KRTAP17-1: variants seen among roughly 807,000 people sequenced by gnomAD.
KRTAP17-1 encodes the protein keratin associated protein 17-1, also known as keratin-associated protein 17-1.
Under a neutral mutation model 10.4 loss-of-function variants are expected in KRTAP17-1, and 2 were observed. That is an observed-to-expected ratio of 0.19 (90% CI 0.08 to 0.61). The LOEUF is 0.61. KRTAP17-1 is among the 20% of genes least tolerant of loss of function. KRTAP17-1 has a pLI of 0.89. For synonymous variants in KRTAP17-1, 62 were observed against 52.7 expected (o/e 1.18, Z -0.77); for missense variants, 143 against 136.8 (o/e 1.05, Z -0.23).
chr17:41,315,342 G>A lies in KRTAP17-1; in HGVS notation c.309C>T (p.Asp103=), dbSNP rs926453287. ...GTGGAGGGAAAGGTCTTCATTTTGT[G>A]TCGCATATAGGTGTGGGCTGGCAGC... ...PVCCQPTPIC[D]TK The change falls in exon 1 of 1, where the codon GAC becomes GAT. Residue 103 remains aspartate, a synonymous_variant. Transcript: ENST00000334202. 8.1e-6 allele frequency: 13 copies of A among 1,604,912 alleles called. No individual in the cohort carries two copies. Among genetic ancestry groups the A allele is most frequent in the Non-Finnish European group, 1.1e-5 (13 of 1,177,500 alleles).
Position 41,315,642 on chromosome 17 carries a change from G to A in KRTAP17-1, c.9C>T (p.Cys3=), listed in dbSNP as rs369106896. The change falls in exon 1 of 1, where the codon TGC becomes TGT. Residue 3 remains cysteine (C), a synonymous_variant. Transcript: ENST00000334202. ...AGCAGGTGAAGCAGTCCCCCGGGCA[G>A]CACCCCATGGTCCGGGCCCGTCAGC... The part of the protein sequence containing the change: MG[C]CPGDCFTCCT... 2.5e-6 allele frequency: 4 copies of A among 1,602,864 alleles called. No homozygotes were observed. The highest frequency in any genetic ancestry group is 2.2e-5 in the East Asian group (1 of 44,720).
chr17:41,315,207 TCTACAAATCACAGAAAGACAAGACAC>T lies in KRTAP17-1; in HGVS notation c.*100_*125del. 1 of 928,138 alleles carries T rather than the reference TCTACAAATCACAGAAAGACAAGACAC, an allele frequency of 1.1e-6. No homozygotes were observed. Among genetic ancestry groups the T allele is most frequent in the Non-Finnish European group, 1.6e-6 (1 of 620,906 alleles). The allele number at this position is 928,138 out of a possible 1,614,324, so 57.5% of individuals were successfully genotyped here. A position where few individuals can be genotyped will look rare whatever the true frequency, so the allele number is the denominator to read the frequency against. On this transcript the variant is annotated 3_prime_UTR_variant, in exon 1 of 1. Transcript: ENST00000334202. ...GAAGGTGTTGGAGAACAAGCCCTCCTCTACAAATCACAGAAAGACAAGACACTGTCTTGGGGGTATGGAAGGTTCTG... is the reference window on the plus strand; with the variant it reads ...GAAGGTGTTGGAGAACAAGCCCTCCTTGTCTTGGGGGTATGGAAGGTTCTG...
rs755911452 is a variant in KRTAP17-1 at position 41,315,509 on chromosome 17, AGCCAGAGCCCCCG to A, written c.129_141del (p.Gly44AlafsTer66). 2.8e-6 allele frequency: 3 copies of A among 1,076,182 alleles called. No homozygotes were observed. In the African/African-American group the frequency reaches 7.4e-5, roughly 27 times the overall value. The allele number at this position is 1,076,182 out of a possible 1,614,324, so 66.7% of individuals were successfully genotyped here. On this transcript the variant is annotated frameshift_variant, in exon 1 of 1. Coordinates refer to ENST00000334202, the MANE Select transcript of KRTAP17-1 (RefSeq NM_031964.2). LOFTEE classifies it high-confidence loss of function. ...GACGATCCGCAGCAGCTGCCCCCGC[AGCCAGAGCCCCCG>A]CAGCCAGAGCCCCCACAGCCACAGC...
Position 41,314,924 on chromosome 17 carries a change from A to C in KRTAP17-1, c.*409T>G. On this transcript the variant is annotated 3_prime_UTR_variant, in exon 1 of 1. Transcript: ENST00000334202. ...GCAAGAGAACTAATTAGGTTATGCC[A>C]GCATGCTCAAATTTATTAAGAGGCT... 3.0e-5 allele frequency: 5 copies of C among 166,744 alleles called. No individual in the cohort carries two copies. The highest frequency in any genetic ancestry group is 3.9e-5 in the Non-Finnish European group (3 of 77,358). The allele number at this position is 166,744 out of a possible 1,614,324, so 10.3% of individuals were successfully genotyped here.
chr17:41,315,453 T>C lies in KRTAP17-1; in HGVS notation c.198A>G (p.Gly66=). Residue 66 remains glycine, a synonymous_variant, in exon 1 of 1, where the codon GGA becomes GGG. Coordinates refer to ENST00000334202, the MANE Select transcript of KRTAP17-1 (RefSeq NM_031964.2). ...SCCGSGCGGC[G]GCGGCGGGCC... ...AGCCACCCCCGCAGCCTCCGCAGCCTCCACAGCCTCCGCAGCCAGATCCAC... is the reference window on the plus strand; with the variant it reads ...AGCCACCCCCGCAGCCTCCGCAGCCCCCACAGCCTCCGCAGCCAGATCCAC... 6.2e-7 allele frequency: 1 copy of C among 1,602,068 alleles called. No individual in the cohort carries two copies.
In KRTAP17-1 at chr17:41,315,637, G is replaced by A. The variant is rs762887382; in HGVS notation, c.14C>T (p.Pro5Leu). The part of the protein sequence containing the change: MGCC[P>L]GDCFTCCTQE... ...GGTGCAGCAGGTGAAGCAGTCCCCCGGGCAGCACCCCATGGTCCGGGCCCG... is the reference window on the plus strand; with the variant it reads ...GGTGCAGCAGGTGAAGCAGTCCCCCAGGCAGCACCCCATGGTCCGGGCCCG... The change falls in exon 1 of 1, where the codon CCG becomes CTG. Residue 5 changes from proline to leucine, a missense_variant. Physicochemically the swap from Pro to Leu is moderately conservative, Grantham distance 98. Transcript: ENST00000334202. 1.3e-5 allele frequency: 21 copies of A among 1,605,264 alleles called. No homozygotes were observed. Among genetic ancestry groups the A allele is most frequent in the Admixed American group, 1.7e-5 (1 of 59,754 alleles).
chr17:41,315,281 G>C lies in KRTAP17-1; in HGVS notation c.*52C>G, dbSNP rs1174323358. 2.0e-6 allele frequency: 3 copies of C among 1,527,954 alleles called. No individual in the cohort carries two copies. In the East Asian group the frequency reaches 6.8e-5, roughly 34 times the overall value. The allele number at this position is 1,527,954 out of a possible 1,614,324, so 94.6% of individuals were successfully genotyped here. A position where few individuals can be genotyped will look rare whatever the true frequency, so the allele number is the denominator to read the frequency against. On this transcript the variant is annotated 3_prime_UTR_variant, in exon 1 of 1. Transcript: ENST00000334202. ...CTGGACACGAGGGGCTGTCCCCCTGGAGCAGATGGAGGCTTTCGGTGGGAC... is the reference window on the plus strand; with the variant it reads ...CTGGACACGAGGGGCTGTCCCCCTGCAGCAGATGGAGGCTTTCGGTGGGAC...
Position 41,315,368 on chromosome 17 carries a change from A to C in KRTAP17-1, c.283T>G (p.Cys95Gly), listed in dbSNP as rs1053957083. 4 of 1,611,274 alleles carry C rather than the reference A, an allele frequency of 2.5e-6. No homozygotes were observed. The highest frequency in any genetic ancestry group is 3.4e-6 in the Non-Finnish European group (4 of 1,179,920). Residue 95 changes from cysteine to glycine, a missense_variant, in exon 1 of 1, where the codon TGC becomes GGC. By Grantham distance (159) the Cys-to-Gly change is radical (BLOSUM62 -3). Coordinates refer to ENST00000334202, the MANE Select transcript of KRTAP17-1 (RefSeq NM_031964.2). ...CCGSGCCGPV[C>G]CQPTPICDTK Reference sequence around the variant, plus strand: ...TCGCATATAGGTGTGGGCTGGCAGCACACAGGCCCACAGCACCCGGAGCCG... The same window carrying C: ...TCGCATATAGGTGTGGGCTGGCAGCCCACAGGCCCACAGCACCCGGAGCCG...
In KRTAP17-1 at chr17:41,315,708, G is replaced by A. The variant is rs117338110; in HGVS notation, c.-58C>T. The A allele has an allele frequency of 0.048, 70,992 of 1,482,906 alleles. 1,997 individuals are homozygous for A. Among genetic ancestry groups the A allele is most frequent in the Non-Finnish European group, 0.057 (62,608 of 1,095,196 alleles). 91.9% of individuals were successfully genotyped at this position (1,482,906 alleles called of 1,614,324 possible). A position where few individuals can be genotyped will look rare whatever the true frequency, so the allele number is the denominator to read the frequency against. On this transcript the variant is annotated 5_prime_UTR_variant, in exon 1 of 1. Coordinates refer to ENST00000334202, the MANE Select transcript of KRTAP17-1 (RefSeq NM_031964.2). ...GCAGCCGGAGTTCCCCACGACTGAC[G>A]GTGGCCAGCCATCTGGATGGCAGCT...
In KRTAP17-1 at chr17:41,315,044, T is replaced by C. The variant is rs949223366; in HGVS notation, c.*289A>G. The C allele has an allele frequency of 4.7e-5, 18 of 383,280 alleles. No individual in the cohort carries two copies. Among genetic ancestry groups the C allele is most frequent in the African/African-American group, 2.8e-4 (14 of 49,332 alleles). 23.7% of individuals were successfully genotyped at this position (383,280 alleles called of 1,614,324 possible). A position where few individuals can be genotyped will look rare whatever the true frequency, so the allele number is the denominator to read the frequency against. ...ACACCTTGAAGAAGAGGATGTCTTA[T>C]AGTACAAGACATTGAACTTCATGTG... On this transcript the variant is annotated 3_prime_UTR_variant, in exon 1 of 1. Transcript: ENST00000334202.
rs62640394 is a variant in KRTAP17-1, at chr17:41,315,529, G to A, written c.122C>T (p.Ser41Phe). 42 of 1,418,894 alleles carry A rather than the reference G, an allele frequency of 3.0e-5. No individual in the cohort carries two copies. Among genetic ancestry groups the A allele is most frequent in the Non-Finnish European group, 4.0e-5 (41 of 1,027,976 alleles). 87.9% of individuals were successfully genotyped at this position (1,418,894 alleles called of 1,614,324 possible). A position where few individuals can be genotyped will look rare whatever the true frequency, so the allele number is the denominator to read the frequency against. ...CCCGCAGCCAGAGCCCCCGCAGCCA[G>A]AGCCCCCACAGCCACAGCAGGAGCC... ...CCGSCCGCGG[S>F]GCGGSGCGGS... The change falls in exon 1 of 1, where the codon TCT becomes TTT. Residue 41 changes from serine to phenylalanine, a missense_variant. Physicochemically the swap from Ser to Phe is radical, Grantham distance 155 (BLOSUM62 -2). Transcript: ENST00000334202.
In KRTAP17-1 at chr17:41,315,500, T is replaced by A. The variant is rs1555546144; in HGVS notation, c.151A>T (p.Ser51Cys). The A allele has an allele frequency of 6.2e-7, 1 of 1,602,098 alleles. No homozygotes were observed. The highest frequency in any genetic ancestry group is 1.1e-5 in the South Asian group (1 of 90,148). Residue 51 changes from serine to cysteine, a missense_variant, in exon 1 of 1, where the codon AGC (serine) becomes TGC (cysteine). Physicochemically the swap from Ser to Cys is moderately radical, Grantham distance 112. Transcript: ENST00000334202. ...SGCGGSGCGG[S>C]CCGSSCCGSG... is the part of the protein sequence containing the mutation. ...CCACAGCAAGACGATCCGCAGCAGC[T>A]GCCCCCGCAGCCAGAGCCCCCGCAG... is the stretch of plus-strand genomic sequence containing the variant.
rs1567655808 is a variant in KRTAP17-1, at chr17:41,315,393, G to C, written c.258C>G (p.Cys86Trp). The part of the protein sequence containing the change: ...CGSSCCGSSC[C>W]GSGCCGPVCC... The stretch of plus-strand genomic sequence containing the variant: ...ACACAGGCCCACAGCACCCGGAGCC[G>C]CAGCAACTGGACCCACAGCAACTGG... The change falls in exon 1 of 1, where the codon TGC becomes TGG. Residue 86 changes from cysteine to tryptophan, a missense_variant. Transcript: ENST00000334202. The C allele has an allele frequency of 6.2e-7, 1 of 1,612,424 alleles. No individual in the cohort carries two copies. Among genetic ancestry groups the C allele is most frequent in the Non-Finnish European group, 8.5e-7 (1 of 1,179,890 alleles).
In KRTAP17-1 at chr17:41,315,177, C is replaced by A; in HGVS notation, c.*156G>T. On this transcript the variant is annotated 3_prime_UTR_variant, in exon 1 of 1. Coordinates refer to ENST00000334202, the MANE Select transcript of KRTAP17-1 (RefSeq NM_031964.2). ...CTCTTGTTCTCGGTGCCTTGAAATACCAGAGAAGGTGTTGGAGAACAAGCC... is the reference window on the plus strand; with the variant it reads ...CTCTTGTTCTCGGTGCCTTGAAATAACAGAGAAGGTGTTGGAGAACAAGCC... 7.2e-6 allele frequency: 5 copies of A among 699,056 alleles called. No individual in the cohort carries two copies. The South Asian group carries it at 9.7e-5, about 14-fold the overall frequency. 43.3% of individuals were successfully genotyped at this position (699,056 alleles called of 1,614,324 possible).
chr17:41,315,414 A>ACTGGATCCACAGCAG lies in KRTAP17-1; in HGVS notation c.222_236dup (p.Ser84_Ser88dup). 6.2e-7 allele frequency: 1 copy of ACTGGATCCACAGCAG among 1,612,292 alleles called. No homozygotes were observed. The highest frequency in any genetic ancestry group is 8.5e-7 in the Non-Finnish European group (1 of 1,179,552). ...AGCCGCAGCAACTGGACCCACAGCAACTGGATCCACAGCAGCCACCCCCGC... is the reference window on the plus strand; with the variant it reads ...AGCCGCAGCAACTGGACCCACAGCAACTGGATCCACAGCAGCTGGATCCACAGCAGCCACCCCCGC... On this transcript the variant is annotated inframe_insertion, in exon 1 of 1. Transcript: ENST00000334202.
Position 41,315,656 on chromosome 17 carries a change from G to C in KRTAP17-1, c.-6C>G, listed in dbSNP as rs757074721. ...TCCCCCGGGCAGCACCCCATGGTCC[G>C]GGCCCGTCAGCTCGCAGGTCGGTAA... On this transcript the variant is annotated 5_prime_UTR_variant, in exon 1 of 1. Coordinates refer to ENST00000334202, the MANE Select transcript of KRTAP17-1 (RefSeq NM_031964.2). 2 of 1,585,982 alleles carry C rather than the reference G, an allele frequency of 1.3e-6. No individual in the cohort carries two copies. Among genetic ancestry groups the C allele is most frequent in the Admixed American group, 1.7e-5 (1 of 58,506 alleles).
Position 41,315,123 on chromosome 17 carries a change from C to A in KRTAP17-1, c.*210G>T, listed in dbSNP as rs892132116. On this transcript the variant is annotated 3_prime_UTR_variant, in exon 1 of 1. Transcript: ENST00000334202. ...TGAGCTTGGGATCACTTAGTTGTGA[C>A]CGAGTTTTAATGTTTCATCAGAGTA... 1.2e-5 allele frequency: 7 copies of A among 583,064 alleles called. No individual in the cohort carries two copies. In the African/African-American group the frequency reaches 1.3e-4, roughly 11 times the overall value. 36.1% of individuals were successfully genotyped at this position (583,064 alleles called of 1,614,324 possible). A position where few individuals can be genotyped will look rare whatever the true frequency, so the allele number is the denominator to read the frequency against.
At position 41,315,607 on chromosome 17, in the gene KRTAP17-1, T is replaced by C. The variant is rs779272534; in HGVS notation, c.44A>G (p.Glu15Gly). ...PGDCFTCCTQ[E>G]QNCCEECCCQ... ...GCAGCACTCTTCACAGCAGTTTTGC[T>C]CCTGGGTGCAGCAGGTGAAGCAGTC... Residue 15 changes from glutamate (E) to glycine (G), a missense_variant, in exon 1 of 1, where the codon GAG becomes GGG. By Grantham distance (98) the Glu-to-Gly change is moderately conservative. Transcript: ENST00000334202. 1.8e-5 allele frequency: 29 copies of C among 1,613,094 alleles called. No homozygotes were observed. In the East Asian group the frequency reaches 6.2e-4, roughly 35 times the overall value.
Position 41,315,328 on chromosome 17 carries a change from G to C in KRTAP17-1, c.*5C>G. On this transcript the variant is annotated 3_prime_UTR_variant, in exon 1 of 1. Coordinates refer to ENST00000334202, the MANE Select transcript of KRTAP17-1 (RefSeq NM_031964.2). Reference sequence around the variant, plus strand: ...GGACTGCATCAGTGGTGGAGGGAAAGGTCTTCATTTTGTGTCGCATATAGG... The same window carrying C: ...GGACTGCATCAGTGGTGGAGGGAAACGTCTTCATTTTGTGTCGCATATAGG... 6.3e-7 allele frequency: 1 copy of C among 1,598,408 alleles called. No homozygotes were observed. Among genetic ancestry groups the C allele is most frequent in the East Asian group, 2.2e-5 (1 of 44,740 alleles).
Sources: gnomAD v4.1 joint callset for allele counts on GRCh38, gnomAD v4.1.1 for gene constraint, MANE v1.5 for transcripts, NCBI Gene and HGNC (gene_info 2026-07-23, HGNC 2026-07-21) for gene names.